The following DLGAP1 variants were observed in gnomAD, a reference collection of about 807,000 sequenced individuals.
The protein encoded by DLGAP1 is DLG associated protein 1, also known as disks large-associated protein 1.
Under a neutral mutation model 90.8 loss-of-function variants are expected in DLGAP1, and 11 were observed. The observed-to-expected ratio is 0.12, with a 90% confidence interval of 0.08 to 0.20. The LOEUF (loss-of-function observed/expected upper bound fraction) is 0.20. Ranked by LOEUF, DLGAP1 falls within the 10% of genes least tolerant of loss-of-function variation. The pLI is 1.00. For synonymous variants in DLGAP1, 558 were observed against 540.7 expected (o/e 1.03, Z -0.44); for missense variants, 1,050 against 1,333.8 (o/e 0.79, Z 3.31).
intron 3 of DLGAP1, chr18:3,978,212 T>C: frequency 2.3e-6 from 1 of 427,008 alleles, no homozygotes; most frequent in Non-Finnish European, 4.6e-6. Flanking sequence ...GAGGCTGTTT[T>C]CATACTTCTC....
chr18:4,057,735 C>T (rs1448488756), intron 2 of DLGAP1, among the ~76,000 whole-genome samples: 1 of 152,216 alleles, frequency 6.6e-6, no homozygotes, highest in African/African-American at 2.4e-5. Flanking sequence ...AGGCAAGAAT[C>T]AAGTATGCTT....
intron 11 of DLGAP1, among the ~76,000 whole-genome samples, chr18:3,506,165 A>T (rs1301284603): frequency 6.6e-6 from 1 of 151,662 alleles, no homozygotes; most frequent in Non-Finnish European, 1.5e-5. Flanking sequence ...TTGAACCAGG[A>T]GGTGGAGATT....
At chr18:3,612,313 A>T (rs1342676079) in intron 7 of DLGAP1, among the ~76,000 whole-genome samples, 1 of 152,256 alleles carries the variant, frequency 6.6e-6, no homozygotes, top group Admixed American at 6.5e-5. Flanking sequence ...ATAAGAATGA[A>T]AAACTTCCTT....
At chr18:3,697,355 C>T (rs904039528) in intron 7 of DLGAP1, among the ~76,000 whole-genome samples, 4 of 152,142 alleles carry the variant, frequency 2.6e-5, no homozygotes, top group African/African-American at 7.2e-5. Context: ...CTAAACACTT[C>T]TTTAGCTGTG....
At chr18:4,216,593 A>C (rs2144931890) in intron 1 of DLGAP1, among the ~76,000 whole-genome samples, 1 of 152,270 alleles carries the variant, frequency 6.6e-6, no homozygotes, top group Non-Finnish European at 1.5e-5. Flanking sequence ...ATTGAATCGT[A>C]GAGTTACCTT....
At chr18:4,170,382 A>G (rs2077002530) in intron 1 of DLGAP1, among the ~76,000 whole-genome samples, 1 of 152,182 alleles carries the variant, frequency 6.6e-6, no homozygotes, top group South Asian at 2.1e-4. Context: ...AATGTCTATT[A>G]GACATCCTAA....
At chr18:3,578,889 T>A (rs2055321721) in intron 8 of DLGAP1, among the ~76,000 whole-genome samples, 1 of 152,204 alleles carries the variant, frequency 6.6e-6, no homozygotes, top group East Asian at 1.9e-4. Context: ...ATAATTTACA[T>A]AGCAGTGTAC....
chr18:3,927,382 CA>C (rs2072415870), intron 3 of DLGAP1, among the ~76,000 whole-genome samples: 1 of 152,128 alleles, frequency 6.6e-6, no homozygotes, highest in Admixed American at 6.5e-5. Context: ...GTCAAATGAG[CA>C]AGTATAATTA....
chr18:3,675,996 C>T (rs1018059498), intron 7 of DLGAP1, among the ~76,000 whole-genome samples: 21 of 152,308 alleles, frequency 1.4e-4, no homozygotes, highest in Middle Eastern at 3.4e-3. Flanking sequence ...GTAATGTTTT[C>T]CTTTGAATGA....
chr18:3,504,373 T>C (rs1272189462), intron 11 of DLGAP1, among the ~76,000 whole-genome samples: 1 of 152,132 alleles, frequency 6.6e-6, no homozygotes, highest in Non-Finnish European at 1.5e-5. Flanking sequence ...TATAAATTTA[T>C]AGATATATCT....
chr18:4,090,108 T>C (rs540770624), intron 2 of DLGAP1, among the ~76,000 whole-genome samples: 2 of 152,102 alleles, frequency 1.3e-5, no homozygotes, highest in Admixed American at 1.3e-4. Context: ...CAAGATAGAT[T>C]AAAGACTTAA....
At chr18:4,128,545 T>C (rs1053066008) in intron 2 of DLGAP1, among the ~76,000 whole-genome samples, 10 of 152,142 alleles carry the variant, frequency 6.6e-5, no homozygotes, top group African/African-American at 2.4e-4. Context: ...TACAATTTCC[T>C]ATGGGATTCA....
chr18:3,825,487 C>G (rs900045695), intron 4 of DLGAP1, among the ~76,000 whole-genome samples: 3 of 152,186 alleles, frequency 2.0e-5, no homozygotes, highest in African/African-American at 7.2e-5. Flanking sequence ...ATACCAAATA[C>G]AATGCCTGCA....
intron 2 of DLGAP1, among the ~76,000 whole-genome samples, chr18:4,024,960 A>C (rs1211001605): frequency 6.6e-6 from 1 of 152,196 alleles, no homozygotes; most frequent in Non-Finnish European, 1.5e-5. Context: ...TGAAGGGACC[A>C]GGCAGAGAGC....
chr18:3,720,888 C>CAAAAAAAAAAAAAAAAAAAAAAA lies in DLGAP1; in HGVS notation c.1591+8246_1591+8247insTTTTTTTTTTTTTTTTTTTTTTT, dbSNP rs1186426563. Among the ~76,000 whole-genome samples the CAAAAAAAAAAAAAAAAAAAAAAA allele has an allele frequency of 3.0e-4, 15 of 50,308 alleles. 2 individuals are homozygous for CAAAAAAAAAAAAAAAAAAAAAAA. The highest frequency in any genetic ancestry group is 8.8e-4 in the African/African-American group (11 of 12,492). 33.0% of individuals were successfully genotyped at this position (50,308 alleles called of 152,430 possible). On this transcript the variant is annotated intron_variant, in intron 7 of 12. Transcript: ENST00000315677. ...GCAACATACTAAGACCTTGTCTCTACAAAAAAAAAAAAAAAAAAAAATTAG... is the reference window on the plus strand; with the variant it reads ...GCAACATACTAAGACCTTGTCTCTACAAAAAAAAAAAAAAAAAAAAAAAAAAAAAAAAAAAAAAAAAAAATTAG...
intron 3 of DLGAP1, among the ~76,000 whole-genome samples, chr18:3,943,182 C>T (rs766868924): frequency 8.5e-5 from 13 of 152,086 alleles, no homozygotes; most frequent in Non-Finnish European, 1.3e-4. Context: ...CTCTTATTGT[C>T]TTCCCTTTCT....
At chr18:4,382,811 A>G (rs1186343987) in intron 1 of DLGAP1, among the ~76,000 whole-genome samples, 2 of 152,160 alleles carry the variant, frequency 1.3e-5, no homozygotes, top group African/African-American at 4.8e-5. Flanking sequence ...TACTTTAGGC[A>G]TAATAAAGAT....
rs567132318 is a variant in DLGAP1, at chr18:3,613,048, G to T, written c.1592-30800C>A. Among the ~76,000 whole-genome samples, 3 of 152,136 alleles carry T rather than the reference G, an allele frequency of 2.0e-5. No individual in the cohort carries two copies. The East Asian group carries it at 5.8e-4, about 29-fold the overall frequency. On this transcript the variant is annotated intron_variant, in intron 7 of 12. Transcript: ENST00000315677. ...AGTAGAGATGGGGTTTCACCATGTT[G>T]GTTAGTCTTGAACTCCTGACTTCAG...
Position 3,652,176 on chromosome 18 carries a change from AAAAAG to A in DLGAP1, c.1592-69933_1592-69929del, listed in dbSNP as rs1413495375. 9.4e-5 allele frequency among the ~76,000 whole-genome samples: 14 copies of A among 149,610 alleles called. No individual in the cohort carries two copies. The South Asian group carries it at 1.0e-3, about 11-fold the overall frequency. The stretch of plus-strand genomic sequence containing the variant: ...GAGACTCTGTATCAAAAAAAAAAAA[AAAAAG>A]AAAAGAAAGAAAGACACAATGACAA... On this transcript the variant is annotated intron_variant, in intron 7 of 12. Transcript: ENST00000315677.
Sources: gnomAD v4.1 joint callset for allele counts (sites outside exome capture counted in the v4.1 genomes callset) on GRCh38, gnomAD v4.1.1 for gene constraint, MANE v1.5 for transcripts, NCBI Gene and HGNC (gene_info 2026-07-23, HGNC 2026-07-21) for gene names.